The following ZFHX3 variants were observed in gnomAD, a reference collection of about 807,000 sequenced individuals.
The protein encoded by ZFHX3 is zinc finger homeobox protein 3.
Under a neutral mutation model 279.1 loss-of-function variants are expected in ZFHX3, and 42 were observed. The observed-to-expected ratio is 0.15, with a 90% confidence interval of 0.12 to 0.19. The LOEUF (loss-of-function observed/expected upper bound fraction) is 0.19. Among genes scored for constraint, ZFHX3 ranks in the 10% least tolerant of loss-of-function variants. The pLI, the probability that ZFHX3 is intolerant of heterozygous loss-of-function variation, is 1.00. For missense variants in ZFHX3, 4,981 were observed against 4,754.0 expected (o/e 1.05, Z -1.40); for synonymous variants, 2,293 against 1,957.8 (o/e 1.17, Z -4.52).
At chr16:73,005,764 T>C (rs1386798608) in intron 1 of ZFHX3, 1 of 151,876 alleles carries the variant, frequency 6.6e-6, no homozygotes, top group Admixed American at 6.6e-5. Flanking sequence ...AACTCCAGCC[T>C]AGGCAACAGA....
chr16:73,726,284 G>A (rs1383173988), intron 1 of ZFHX3, among the ~76,000 whole-genome samples: 2 of 152,182 alleles, frequency 1.3e-5, no homozygotes, highest in African/African-American at 4.8e-5. Context: ...CGAGTCTCCT[G>A]AAATAGTACT....
At chr16:73,104,906 C>G (rs1257130544) in intron 7 of ZFHX3, among the ~76,000 whole-genome samples, 1 of 152,102 alleles carries the variant, frequency 6.6e-6, no homozygotes, top group Non-Finnish European at 1.5e-5. Flanking sequence ...CAAGTCTGTC[C>G]CTCACTTGAC....
At chr16:73,157,697 G>C (rs1344738064) in intron 5 of ZFHX3, among the ~76,000 whole-genome samples, 1 of 152,104 alleles carries the variant, frequency 6.6e-6, no homozygotes, top group Non-Finnish European at 1.5e-5. Flanking sequence ...TAAATTTTGA[G>C]AGGAAAAAAC....
chr16:73,773,938 G>C (rs1366978416), intron 1 of ZFHX3, among the ~76,000 whole-genome samples: 1 of 152,068 alleles, frequency 6.6e-6, no homozygotes, highest in Admixed American at 6.6e-5. Context: ...AGGAGCTCCA[G>C]ACTAACCTGG....
chr16:73,578,379 A>G (rs2051822910), intron 2 of ZFHX3, among the ~76,000 whole-genome samples: 1 of 106,668 alleles, frequency 9.4e-6, no homozygotes, highest in Non-Finnish European at 2.1e-5. Context: ...CGTAGATGTT[A>G]AATGAAAAAA....
In ZFHX3 at chr16:73,607,554, T is replaced by C. The variant is rs750820311; in HGVS notation, c.-1547+72626A>G. Reference sequence around the variant, plus strand: ...TATAAAATGCGGAAAATACTAGGTATCCCTAATTATCCAACATGATTGTTT... The same window carrying C: ...TATAAAATGCGGAAAATACTAGGTACCCCTAATTATCCAACATGATTGTTT... On this transcript the variant is annotated intron_variant, in intron 2 of 17. Transcript: ENST00000641206. Among the ~76,000 whole-genome samples, 11 of 152,156 alleles carry C rather than the reference T, an allele frequency of 7.2e-5. No individual in the cohort carries two copies. In the South Asian group the frequency reaches 2.3e-3, roughly 32 times the overall value.
intron 2 of ZFHX3, among the ~76,000 whole-genome samples, chr16:73,668,600 C>G (rs2052869587): frequency 6.6e-6 from 1 of 151,538 alleles, no homozygotes; most frequent in East Asian, 1.9e-4. Context: ...ATGATGGTTT[C>G]CAGCATCATC....
intron 2 of ZFHX3, among the ~76,000 whole-genome samples, chr16:73,467,638 G>A (rs1484117582): frequency 6.6e-6 from 1 of 152,114 alleles, no homozygotes; most frequent in Non-Finnish European, 1.5e-5. Context: ...GTGAGTGTAT[G>A]GGTATTCACT....
intron 1 of ZFHX3, among the ~76,000 whole-genome samples, chr16:73,726,012 G>C (rs1267576552): frequency 6.6e-6 from 1 of 152,158 alleles, no homozygotes; most frequent in Non-Finnish European, 1.5e-5. Flanking sequence ...CAAGGGGAGG[G>C]TAGACAGGTA....
At chr16:73,611,030 C>T (rs1270954880) in intron 2 of ZFHX3, among the ~76,000 whole-genome samples, 1 of 152,214 alleles carries the variant, frequency 6.6e-6, no homozygotes, top group Non-Finnish European at 1.5e-5. Flanking sequence ...GCTGAAACAT[C>T]TACTCAAGCT....
At chr16:73,611,408 C>A (rs1032332298) in intron 2 of ZFHX3, among the ~76,000 whole-genome samples, 1 of 152,112 alleles carries the variant, frequency 6.6e-6, no homozygotes, top group Non-Finnish European at 1.5e-5. Context: ...TCTCATGAAA[C>A]CATACATGTT....
At chr16:73,379,365 C>G (rs35904971) in intron 3 of ZFHX3, among the ~76,000 whole-genome samples, 16,158 of 152,028 alleles carry the variant, frequency 0.11, 1,504 homozygotes, top group East Asian at 0.52. Flanking sequence ...CCCACAAGCC[C>G]CAATCTCAGT....
At chr16:73,546,434 T>C (rs898718234) in intron 2 of ZFHX3, among the ~76,000 whole-genome samples, 4 of 151,098 alleles carry the variant, frequency 2.6e-5, no homozygotes, top group African/African-American at 9.8e-5. Flanking sequence ...GGTAGCTGTT[T>C]ATTAAGAGGA....
At chr16:73,548,336 G>T (rs1399825470) in intron 2 of ZFHX3, among the ~76,000 whole-genome samples, 1 of 152,194 alleles carries the variant, frequency 6.6e-6, no homozygotes, top group Non-Finnish European at 1.5e-5. Flanking sequence ...TGGAGGCACA[G>T]ATCTCGTCTT....
chr16:73,371,246 G>A (rs1485498038), intron 3 of ZFHX3, among the ~76,000 whole-genome samples: 5 of 151,748 alleles, frequency 3.3e-5, no homozygotes, highest in Non-Finnish European at 5.9e-5. Flanking sequence ...GGCGGAGGTT[G>A]CAGTGAGCCG....
chr16:73,689,285 G>A (rs999182654), intron 1 of ZFHX3, among the ~76,000 whole-genome samples: 2 of 152,040 alleles, frequency 1.3e-5, no homozygotes, highest in Non-Finnish European at 2.9e-5. Flanking sequence ...TCTGGGGACA[G>A]GGGGGTTTTA....
intron 2 of ZFHX3, among the ~76,000 whole-genome samples, chr16:73,634,726 T>C (rs1028856012): frequency 1.3e-5 from 2 of 152,022 alleles, no homozygotes; most frequent in African/African-American, 4.8e-5. Flanking sequence ...TAAATAGTTT[T>C]TAGAGGAAGC....
chr16:73,502,869 T>C (rs1389875679), intron 2 of ZFHX3, among the ~76,000 whole-genome samples: 2 of 152,228 alleles, frequency 1.3e-5, no homozygotes, highest in Non-Finnish European at 2.9e-5. Context: ...ATTAAAACAG[T>C]GCCTATTAAC....
At chr16:73,365,155 C>G (rs982061862) in intron 3 of ZFHX3, among the ~76,000 whole-genome samples, 1 of 152,246 alleles carries the variant, frequency 6.6e-6, no homozygotes, top group Non-Finnish European at 1.5e-5. Flanking sequence ...GATTACTGAG[C>G]CTCTGTGGAG....
Sources: allele counts gnomAD v4.1 joint callset (sites outside exome capture counted in the v4.1 genomes callset), GRCh38; gene constraint gnomAD v4.1.1; transcripts MANE v1.5; gene names NCBI Gene and HGNC (gene_info 2026-07-23, HGNC 2026-07-21).